SPINK5: variants seen among roughly 807,000 people sequenced by gnomAD.
The protein encoded by SPINK5 is serine protease inhibitor Kazal-type 5.
SPINK5 carries 125 observed loss-of-function variants against 151.8 expected under a neutral mutation model. The observed-to-expected ratio is 0.82, with a 90% confidence interval of 0.71 to 0.96. The LOEUF (loss-of-function observed/expected upper bound fraction) is 0.96, where lower values mean the gene tolerates loss of function less well. Ranked by LOEUF, SPINK5 falls within the 40% of genes least tolerant of loss-of-function variation. The pLI, the probability that SPINK5 is intolerant of heterozygous loss-of-function variation, is 0.00. For missense variants in SPINK5, 1,194 were observed against 1,291.9 expected (o/e 0.92, Z 1.16); for synonymous variants, 374 against 395.3 (o/e 0.95, Z 0.64).
rs982989232 is a variant in SPINK5 at position 148,091,189 on chromosome 5, G to A, written c.627G>A (p.Lys209=). 1.9e-6 allele frequency: 3 copies of A among 1,611,328 alleles called. No homozygotes were observed. In the African/African-American group the frequency reaches 4.0e-5, roughly 22 times the overall value. The change falls in exon 8 of 33, where the codon AAG becomes AAA. Residue 209 remains lysine (K), a synonymous_variant. Coordinates refer to ENST00000256084, the MANE Select transcript of SPINK5 (RefSeq NM_006846.4). ...ELFLKEAENA[K]REGETRIRRN... ...GTTTAAAAGAAGCTGAAAATGCCAA[G>A]CGAGAGGGTGAAACTAGAATTCGAC...
intron 18 of SPINK5, among the ~76,000 whole-genome samples, chr5:148,110,191 G>T (rs1328447976): frequency 6.6e-6 from 1 of 152,140 alleles, no homozygotes; most frequent in East Asian, 1.9e-4. Flanking sequence ...GAAGTCCCAA[G>T]AAACTTATTA....
intron 2 of SPINK5, among the ~76,000 whole-genome samples, chr5:148,067,648 A>T (rs1383063375): frequency 1.3e-5 from 2 of 152,146 alleles, no homozygotes; most frequent in Non-Finnish European, 2.9e-5. Flanking sequence ...CTGTGAACAA[A>T]TTTCTTAACC....
At chr5:148,096,747 C>CTTTTTTTTTTTTTTTTTTT (rs141541747) in intron 10 of SPINK5, among the ~76,000 whole-genome samples, 1 of 136,194 alleles carries the variant, frequency 7.3e-6, no homozygotes, top group Non-Finnish European at 1.5e-5. Flanking sequence ...TTTTTCTTTT[C>CTTTTTTTTTTTTTTTTTTT]TTTTCTTTTT....
At chr5:148,122,177 T>C (rs1754287112) in intron 26 of SPINK5, among the ~76,000 whole-genome samples, 1 of 152,114 alleles carries the variant, frequency 6.6e-6, no homozygotes. Flanking sequence ...CTACACATAA[T>C]TAATGAATAG....
chr5:148,065,214 G>A (rs759046522), intron 1 of SPINK5, 133 bp from the exon 2 acceptor site: 11 of 905,316 alleles, frequency 1.2e-5, no homozygotes, highest in Non-Finnish European at 1.7e-5. Flanking sequence ...ATCTTAATGT[G>A]TTCAAAAACC....
chr5:148,133,804 C>T lies in SPINK5; in HGVS notation c.3103C>T (p.Gln1035Ter). Reference protein sequence around the residue: ...CMLCHENLIRQTNTHIRSTGK... With the variant: ...CMLCHENLIR ...TCCTCTGATCTGTTTTAGGATACGC[C>T]AAACAAATACACACATCCGCAGTAC... The change falls in exon 32 of 33, where the codon CAA becomes TAA. Residue 1035 changes from glutamine (Q) to a stop codon, truncating the protein, a stop_gained. Transcript: ENST00000256084. LOFTEE classifies it high-confidence loss of function. 1 of 1,613,828 alleles carries T rather than the reference C, an allele frequency of 6.2e-7. No homozygotes were observed. Among genetic ancestry groups the T allele is most frequent in the Non-Finnish European group, 8.5e-7 (1 of 1,179,920 alleles).
intron 4 of SPINK5, among the ~76,000 whole-genome samples, chr5:148,082,525 T>A (rs1291187176): frequency 1.3e-5 from 2 of 151,078 alleles, no homozygotes; most frequent in Non-Finnish European, 3.0e-5. Context: ...ATAAATGATG[T>A]AGTATTGATT....
Position 148,125,787 on chromosome 5 carries a change from A to G in SPINK5, c.2804A>G (p.Asp935Gly). 1 of 1,614,194 alleles carries G rather than the reference A, an allele frequency of 6.2e-7. No homozygotes were observed. Among genetic ancestry groups the G allele is most frequent in the Non-Finnish European group, 8.5e-7 (1 of 1,180,022 alleles). Residue 935 changes from aspartate to glycine, a missense_variant, in exon 29 of 33, where the codon GAC (aspartate) becomes GGC (glycine). Coordinates refer to ENST00000256084, the MANE Select transcript of SPINK5 (RefSeq NM_006846.4). ...NNELICPREN[D>G]PVHGADGKFY... ...GAACTCATCTGCCCTAGAGAGAATG[A>G]CCCAGTGCACGGTGCTGATGGAAAG...
rs1017737800 is a variant in SPINK5 at position 148,127,093 on chromosome 5, T to C, written c.2964+14T>C. 1 of 1,598,198 alleles carries C rather than the reference T, an allele frequency of 6.3e-7. No individual in the cohort carries two copies. The highest frequency in any genetic ancestry group is 1.3e-5 in the African/African-American group (1 of 74,556). Reference sequence around the variant, plus strand: ...TTCAGTTCTCTGGTAAGGAGGACTATTTCTGAAAAGCTACTTATCAATTTA... The same window carrying C: ...TTCAGTTCTCTGGTAAGGAGGACTACTTCTGAAAAGCTACTTATCAATTTA... On this transcript the variant is annotated intron_variant, in intron 30 of 32. Transcript: ENST00000256084.
chr5:148,126,389 G>A (rs1754431683), intron 29 of SPINK5, among the ~76,000 whole-genome samples: 1 of 152,080 alleles, frequency 6.6e-6, no homozygotes, highest in South Asian at 2.1e-4. Context: ...GCTTTTCATA[G>A]TGAGTGTTCT....
At chr5:148,124,923 T>C in intron 28 of SPINK5, 86 bp downstream of exon 28, 1 of 1,357,032 alleles carries the variant, frequency 7.4e-7, no homozygotes, top group Non-Finnish European at 9.6e-7. Flanking sequence ...GAATAATAAA[T>C]ATATTAATAT....
intron 21 of SPINK5, 22 bp from the exon 22 acceptor site, chr5:148,116,348 C>G (rs560641196): frequency 1.2e-6 from 2 of 1,611,682 alleles, no homozygotes; most frequent in Non-Finnish European, 1.7e-6. Flanking sequence ...TTGTTCCCTA[C>G]CTCCCACTTT....
rs6891892 is a variant in SPINK5 at position 148,118,308 on chromosome 5, T to C, written c.2113-129T>C. ...CTGGGATTACAGGCATGAGCCACCG[T>C]ACCCGGCAATGTTATGTTTCTTATA... On this transcript the variant is annotated intron_variant, in intron 22 of 32. Transcript: ENST00000256084. 0.78 allele frequency: 1,099,173 copies of C among 1,417,852 alleles called. 429,102 individuals are homozygous for C. The highest frequency in any genetic ancestry group is 0.95 in the African/African-American group (67,616 of 71,102). The allele number at this position is 1,417,852 out of a possible 1,614,324, so 87.8% of individuals were successfully genotyped here. A position where few individuals can be genotyped will look rare whatever the true frequency, so the allele number is the denominator to read the frequency against.
Position 148,125,758 on chromosome 5 carries a change from C to T in SPINK5, c.2775C>T (p.Asn925=), listed in dbSNP as rs751620253. The T allele has an allele frequency of 1.9e-6, 3 of 1,614,036 alleles. No individual in the cohort carries two copies. In the African/African-American group the frequency reaches 4.0e-5, roughly 22 times the overall value. The stretch of plus-strand genomic sequence containing the variant: ...GTGAATTTCGAAACTATATAAGGAA[C>T]AATGAACTCATCTGCCCTAGAGAGA... ...ECSEFRNYIR[N]NELICPREND... Residue 925 remains asparagine (N), a synonymous_variant, in exon 29 of 33, where the codon AAC becomes AAT. Coordinates refer to ENST00000256084, the MANE Select transcript of SPINK5 (RefSeq NM_006846.4).
intron 31 of SPINK5, among the ~76,000 whole-genome samples, chr5:148,133,094 G>A (rs1306811473): frequency 6.6e-6 from 1 of 152,078 alleles, no homozygotes; most frequent in Non-Finnish European, 1.5e-5. Flanking sequence ...CTGAAATGAT[G>A]AAAATATTAA....
At chr5:148,087,918 ATATT>A (rs145328348) in intron 5 of SPINK5, among the ~76,000 whole-genome samples, 2,727 of 151,436 alleles carry the variant, frequency 0.018, 68 homozygotes, top group African/African-American at 0.063. Context: ...TCACTTTTAA[ATATT>A]TAGTTTTTTT....
intron 4 of SPINK5, among the ~76,000 whole-genome samples, chr5:148,075,229 C>T (rs1347567530): frequency 6.6e-6 from 1 of 151,538 alleles, no homozygotes; most frequent in African/African-American, 2.4e-5. Flanking sequence ...CGGTTTTTAC[C>T]TCTACACTTC....
intron 18 of SPINK5, among the ~76,000 whole-genome samples, chr5:148,111,253 TCTCA>T (rs979926785): frequency 2.0e-5 from 3 of 152,060 alleles, no homozygotes; most frequent in African/African-American, 7.2e-5. Context: ...TACATCTCCC[TCTCA>T]CTCTGTCTTC....
chr5:148,105,331 T>C (rs1204294041), intron 16 of SPINK5, among the ~76,000 whole-genome samples: 1 of 145,400 alleles, frequency 6.9e-6, no homozygotes, highest in African/African-American at 2.4e-5. Context: ...ATTATTCATA[T>C]CTCTGTTATT....
Sources: gnomAD v4.1 joint callset for allele counts (sites outside exome capture counted in the v4.1 genomes callset) on GRCh38, gnomAD v4.1.1 for gene constraint, MANE v1.5 for transcripts, NCBI Gene and HGNC (gene_info 2026-07-23, HGNC 2026-07-21) for gene names.